Variants in EEF2K observed in about 807,000 individuals in gnomAD.
EEF2K encodes eukaryotic elongation factor 2 kinase.
A neutral mutation model predicts 93.8 loss-of-function variants in EEF2K; 70 were observed. The ratio of observed to expected loss-of-function variants is 0.75; its 90% CI spans 0.62 to 0.91. The LOEUF is 0.91. Among genes scored for constraint, EEF2K ranks in the 40% least tolerant of loss-of-function variants. EEF2K has a pLI of 0.00. For synonymous variants in EEF2K, 376 were observed against 380.8 expected, an observed-to-expected ratio of 0.99 and a Z score of 0.15; for missense variants, 935 against 972.9, an observed-to-expected ratio of 0.96 and a Z score of 0.52.
intron 17 of EEF2K, among the ~76,000 whole-genome samples, chr16:22,282,623 C>T (rs1340726099): frequency 1.3e-5 from 2 of 152,242 alleles, no homozygotes; most frequent in Admixed American, 6.5e-5. Context: ...CCCTCTTGCT[C>T]GCTTGCTTTC....
At chr16:22,243,449 A>G (rs1321326464) in intron 2 of EEF2K, among the ~76,000 whole-genome samples, 1 of 151,494 alleles carries the variant, frequency 6.6e-6, no homozygotes, top group Non-Finnish European at 1.5e-5. Context: ...ACAGGGTTTC[A>G]CCGTGTTGGC....
chr16:22,249,966 G>A (rs2047332840), intron 4 of EEF2K, among the ~76,000 whole-genome samples: 1 of 151,932 alleles, frequency 6.6e-6, no homozygotes, highest in South Asian at 2.1e-4. Flanking sequence ...ATTTTTAGTA[G>A]AGACAGGGTT....
At chr16:22,256,994 T>A in intron 7 of EEF2K, 97 bp downstream of exon 7, 2 of 1,547,326 alleles carry the variant, frequency 1.3e-6, no homozygotes, top group Non-Finnish European at 1.7e-6. Context: ...CCTGTGGGCT[T>A]GGAGTCTCAC....
intron 6 of EEF2K, among the ~76,000 whole-genome samples, chr16:22,256,171 C>T (rs1417583620): frequency 6.6e-6 from 1 of 152,058 alleles, no homozygotes; most frequent in East Asian, 1.9e-4. Flanking sequence ...AATCTTGGCT[C>T]ACTGCAACCT....
At position 22,269,854 on chromosome 16, in the gene EEF2K, A is replaced by G. The variant is rs564448060; in HGVS notation, c.1764+2978A>G. On this transcript the variant is annotated intron_variant, in intron 15 of 17. Coordinates refer to ENST00000263026, the MANE Select transcript of EEF2K (RefSeq NM_013302.5). ...CTATTTTCACCCTGCTTTTTCCTCC[A>G]AAGTTAGCATCCTACACACACACTC... 1.1e-4 allele frequency among the ~76,000 whole-genome samples: 16 copies of G among 152,168 alleles called. No homozygotes were observed. The South Asian group carries it at 3.3e-3, about 32-fold the overall frequency.
intron 2 of EEF2K, among the ~76,000 whole-genome samples, chr16:22,226,700 G>A (rs1454719568): frequency 6.6e-6 from 1 of 151,548 alleles, no homozygotes; most frequent in Non-Finnish European, 1.5e-5. Flanking sequence ...AATTTTTTTT[G>A]TAGAAATGGG....
intron 10 of EEF2K, 124 bp from the exon 11 acceptor site, chr16:22,260,338 T>G (rs2047449572): frequency 3.3e-6 from 3 of 908,164 alleles, no homozygotes; most frequent in Non-Finnish European, 5.1e-6. Context: ...TTTTGTGCCT[T>G]TCTTTAAAGC....
chr16:22,280,298 C>T lies in EEF2K; in HGVS notation c.1990C>T (p.Arg664Trp), dbSNP rs200375331. 5.4e-5 allele frequency: 87 copies of T among 1,608,694 alleles called. 1 individual carries two copies. The highest frequency in any genetic ancestry group is 6.7e-5 in the South Asian group (6 of 90,038). ...GEYDGMQDEP[R>W]YMMLAREAEM... ...GTACGACGGAATGCAGGACGAGCCC[C>T]GGTACATGATGCTGGCCAGGGAGGC... Residue 664 changes from arginine to tryptophan, a missense_variant, in exon 17 of 18, where the codon CGG becomes TGG. Arg to Trp is a moderately radical substitution (Grantham distance 101). Coordinates refer to ENST00000263026, the MANE Select transcript of EEF2K (RefSeq NM_013302.5).
chr16:22,258,414 G>A (rs1398416249), intron 9 of EEF2K, 80 bp from the exon 10 acceptor site: 1 of 1,468,070 alleles, frequency 6.8e-7, no homozygotes, highest in Non-Finnish European at 9.4e-7. Flanking sequence ...GGGTTTCAGG[G>A]TTAGAGGGAA....
Position 22,266,506 on chromosome 16 carries a change from G to T in EEF2K, c.1557G>T (p.Gly519=). 2 of 1,614,212 alleles carry T rather than the reference G, an allele frequency of 1.2e-6. No individual in the cohort carries two copies. Among genetic ancestry groups the T allele is most frequent in the African/African-American group, 1.3e-5 (1 of 75,066 alleles). ...LNALDLEKKI[G]KSILGKVHLA... ...CTCTGGACCTCGAAAAGAAAATCGG[G>T]AAGTCCATTTTGGGGAAGGTATCGG... Residue 519 remains glycine (G), a synonymous_variant, in exon 14 of 18, where the codon GGG becomes GGT. Coordinates refer to ENST00000263026, the MANE Select transcript of EEF2K (RefSeq NM_013302.5).
At chr16:22,280,474 G>C in intron 17 of EEF2K, 98 bp downstream of exon 17, 1 of 1,256,476 alleles carries the variant, frequency 8.0e-7, no homozygotes. Context: ...AAGATGACAG[G>C]CTGAATCTTC....
chr16:22,218,458 C>G (rs180943378), intron 1 of EEF2K, among the ~76,000 whole-genome samples: 289 of 152,242 alleles, frequency 1.9e-3, no homozygotes, highest in Middle Eastern at 6.8e-3. Context: ...GAGGGTGAGC[C>G]CCGAGGGGGA....
In EEF2K at chr16:22,262,593, G is replaced by T. The variant is rs562250160; in HGVS notation, c.1300-517G>T. On this transcript the variant is annotated intron_variant, in intron 11 of 17. Coordinates refer to ENST00000263026, the MANE Select transcript of EEF2K (RefSeq NM_013302.5). ...CCCAATGCTATATTTTTGTCCGTGG[G>T]TCATAGCCCTTAACCAGCCTTTGTT... Among the ~76,000 whole-genome samples the T allele has an allele frequency of 3.3e-5, 5 of 152,224 alleles. No individual in the cohort carries two copies. The South Asian group carries it at 6.2e-4, about 19-fold the overall frequency.
chr16:22,258,141 C>A (rs1414710933), intron 9 of EEF2K, among the ~76,000 whole-genome samples: 1 of 152,100 alleles, frequency 6.6e-6, no homozygotes, highest in Non-Finnish European at 1.5e-5. Context: ...CAACATACCT[C>A]CCATCCTCCC....
rs377115501 is a variant in EEF2K at position 22,211,715 on chromosome 16, G to A, written c.-77+5036G>A. On this transcript the variant is annotated intron_variant, in intron 1 of 17. Coordinates refer to ENST00000263026, the MANE Select transcript of EEF2K (RefSeq NM_013302.5). Reference sequence around the variant, plus strand: ...TGGCCTCAAGTGATCTGCCTGCCTCGGTCTCCCAAAGTGCTGGGATTACAG... The same window carrying A: ...TGGCCTCAAGTGATCTGCCTGCCTCAGTCTCCCAAAGTGCTGGGATTACAG... Among the ~76,000 whole-genome samples, 25 of 152,070 alleles carry A rather than the reference G, an allele frequency of 1.6e-4. No homozygotes were observed. In the South Asian group the frequency reaches 4.4e-3, roughly 27 times the overall value.
chr16:22,216,904 G>A (rs1304151892), intron 1 of EEF2K, among the ~76,000 whole-genome samples: 2 of 152,020 alleles, frequency 1.3e-5, no homozygotes, highest in African/African-American at 2.4e-5. Flanking sequence ...GCTCATGCCT[G>A]TAATCCCAGC....
intron 1 of EEF2K, among the ~76,000 whole-genome samples, chr16:22,211,373 G>A (rs538870443): frequency 1.2e-4 from 18 of 152,102 alleles, no homozygotes; most frequent in East Asian, 3.9e-4. Flanking sequence ...TTCCCACTAC[G>A]ACCTCAGCCA....
At chr16:22,246,663 T>C in intron 3 of EEF2K, among the ~76,000 whole-genome samples, 1 of 151,646 alleles carries the variant, frequency 6.6e-6, no homozygotes. Context: ...TACCCCAAAG[T>C]GAAGGCTTCA....
At chr16:22,258,421 G>A (rs2047428832) in intron 9 of EEF2K, 73 bp from the exon 10 acceptor site, 1 of 1,513,474 alleles carries the variant, frequency 6.6e-7, no homozygotes, top group Non-Finnish European at 9.1e-7. Context: ...AGGGTTAGAG[G>A]GAACAACAGG....
Sources: gnomAD v4.1 joint callset for allele counts (sites outside exome capture counted in the v4.1 genomes callset) on GRCh38, gnomAD v4.1.1 for gene constraint, MANE v1.5 for transcripts, NCBI Gene and HGNC (gene_info 2026-07-23, HGNC 2026-07-21) for gene names.